Variants in INTS9 observed in about 807,000 individuals in gnomAD.
The protein encoded by INTS9 is protein related to CPSF subunits of 74 kDa.
In INTS9, 55 loss-of-function variants were observed where a neutral mutation model predicts 79.7. The observed-to-expected ratio is 0.69, with a 90% CI of 0.56 to 0.86. INTS9 has a LOEUF of 0.86. Among genes scored for constraint, INTS9 ranks in the 40% least tolerant of loss-of-function variants. The pLI is 0.00. For synonymous variants in INTS9, 319 were observed against 325.2 expected (o/e 0.98, Z 0.20); for missense variants, 721 against 831.5 (o/e 0.87, Z 1.64).
At chr8:28,827,675 C>A (rs11984552) in intron 6 of INTS9, among the ~76,000 whole-genome samples, 34,171 of 151,938 alleles carry the variant, frequency 0.22, 4,464 homozygotes, top group East Asian at 0.46. Flanking sequence ...AGGTTACAAC[C>A]CCTGATGTTT....
At chr8:28,862,339 CTG>C (rs1476660584) in intron 1 of INTS9, 1 of 503,836 alleles carries the variant, frequency 2.0e-6, no homozygotes, top group Non-Finnish European at 2.6e-6. Context: ...ATTCACACTG[CTG>C]TGTGTGCTGC....
chr8:28,781,145 T>C (rs1803239123), intron 11 of INTS9, 151 bp from the exon 12 acceptor site: 2 of 620,152 alleles, frequency 3.2e-6, no homozygotes, highest in Non-Finnish European at 5.6e-6. Context: ...AAGTCACACC[T>C]GAGAGAGGAC....
At chr8:28,819,212 T>C (rs1343475280) in intron 6 of INTS9, among the ~76,000 whole-genome samples, 4 of 152,254 alleles carry the variant, frequency 2.6e-5, no homozygotes, top group Admixed American at 1.3e-4. Context: ...ATGTGTTTGC[T>C]CTTGCTTTTC....
chr8:28,880,137 G>GA (rs1322580060), intron 1 of INTS9, among the ~76,000 whole-genome samples: 4 of 151,930 alleles, frequency 2.6e-5, no homozygotes, highest in Non-Finnish European at 4.4e-5. Context: ...CCACATGCTG[G>GA]AAAAAAATAG....
At chr8:28,866,535 C>G (rs1235414624) in intron 1 of INTS9, among the ~76,000 whole-genome samples, 2 of 152,176 alleles carry the variant, frequency 1.3e-5, no homozygotes, top group African/African-American at 4.8e-5. Flanking sequence ...TGAAATTTTC[C>G]TAGTACTCTT....
intron 8 of INTS9, among the ~76,000 whole-genome samples, chr8:28,811,940 C>T (rs536338401): frequency 1.1e-4 from 16 of 152,350 alleles, no homozygotes; most frequent in African/African-American, 3.4e-4. Flanking sequence ...ATAAGATCTA[C>T]GGGCACATGC....
At chr8:28,888,120 A>C (rs909922971) in intron 1 of INTS9, among the ~76,000 whole-genome samples, 1 of 152,176 alleles carries the variant, frequency 6.6e-6, no homozygotes, top group African/African-American at 2.4e-5. Context: ...GACCTCTTTC[A>C]TGGAAGGCCC....
intron 1 of INTS9, among the ~76,000 whole-genome samples, chr8:28,876,285 A>C (rs1809381353): frequency 6.6e-6 from 1 of 152,130 alleles, no homozygotes; most frequent in South Asian, 2.1e-4. Context: ...GAAATCCATT[A>C]TTTCTATGAG....
At position 28,835,252 on chromosome 8, in the gene INTS9, G is replaced by A. The variant is rs200855757; in HGVS notation, c.488+40C>T. On this transcript the variant is annotated intron_variant, in intron 6 of 16. Transcript: ENST00000521022. ...ATGAGACTGCTTTGCAAAGCACCTG[G>A]CTCTACAGTCTCTCGGTAAGAGAGT... 2.9e-6 allele frequency: 4 copies of A among 1,387,622 alleles called. No homozygotes were observed. In the African/African-American group the frequency reaches 4.3e-5, roughly 15 times the overall value. The allele number at this position is 1,387,622 out of a possible 1,614,324, so 86.0% of individuals were successfully genotyped here.
At chr8:28,792,062 G>A (rs529776816) in intron 10 of INTS9, among the ~76,000 whole-genome samples, 2 of 152,298 alleles carry the variant, frequency 1.3e-5, no homozygotes, top group Non-Finnish European at 2.9e-5. Flanking sequence ...ACAATTATAA[G>A]TGAGGCTGCA....
At chr8:28,843,271 C>T (rs80165185) in intron 4 of INTS9, among the ~76,000 whole-genome samples, 255 of 152,310 alleles carry the variant, frequency 1.7e-3, no homozygotes, top group Middle Eastern at 3.4e-3. Flanking sequence ...AGTGCATTTG[C>T]ACAAAACAGT....
At chr8:28,838,227 G>C (rs1316406084) in intron 4 of INTS9, among the ~76,000 whole-genome samples, 1 of 152,026 alleles carries the variant, frequency 6.6e-6, no homozygotes, top group Non-Finnish European at 1.5e-5. Flanking sequence ...AAGCCAGATG[G>C]AGAGACAACT....
At chr8:28,837,367 T>C (rs1383275719) in intron 5 of INTS9, among the ~76,000 whole-genome samples, 1 of 152,186 alleles carries the variant, frequency 6.6e-6, no homozygotes, top group East Asian at 1.9e-4. Flanking sequence ...CCTCCCCTAA[T>C]TAGTATTCTC....
At chr8:28,815,614 TG>T (rs1563270510) in intron 6 of INTS9, among the ~76,000 whole-genome samples, 1 of 152,152 alleles carries the variant, frequency 6.6e-6, no homozygotes, top group Non-Finnish European at 1.5e-5. Context: ...TGAAACACTT[TG>T]GTCCCAAGTA....
chr8:28,862,554 T>A (rs893883335), intron 1 of INTS9, among the ~76,000 whole-genome samples: 1 of 152,202 alleles, frequency 6.6e-6, no homozygotes, highest in Admixed American at 6.5e-5. Context: ...ACTATTTTTT[T>A]AAGATGATTC....
At chr8:28,772,814 GAAAA>G (rs530937913) in intron 14 of INTS9, among the ~76,000 whole-genome samples, 65 of 90,532 alleles carry the variant, frequency 7.2e-4, no homozygotes, top group African/African-American at 2.7e-3. Flanking sequence ...CTCAAAAAAA[GAAAA>G]AAAAAGACAT....
At chr8:28,817,978 T>C (rs1383084838) in intron 6 of INTS9, among the ~76,000 whole-genome samples, 2 of 148,510 alleles carry the variant, frequency 1.3e-5, no homozygotes, top group South Asian at 2.2e-4. Context: ...ATAAGAATGC[T>C]TGTGATTTTT....
chr8:28,860,401 G>C (rs1342756435), intron 1 of INTS9, among the ~76,000 whole-genome samples: 1 of 151,802 alleles, frequency 6.6e-6, no homozygotes. Flanking sequence ...AACTTTTAAA[G>C]CCCTCCCTTG....
At chr8:28,886,491 C>G (rs934879458) in intron 1 of INTS9, among the ~76,000 whole-genome samples, 3 of 152,314 alleles carry the variant, frequency 2.0e-5, no homozygotes, top group Middle Eastern at 3.4e-3. Context: ...AAGCCATCTG[C>G]CTGCCTCCGC....
Sources: gnomAD v4.1 joint callset for allele counts (sites outside exome capture counted in the v4.1 genomes callset) on GRCh38, gnomAD v4.1.1 for gene constraint, MANE v1.5 for transcripts, NCBI Gene and HGNC (gene_info 2026-07-23, HGNC 2026-07-21) for gene names.